Variants in GRM8 observed in about 807,000 individuals in gnomAD.
The protein encoded by GRM8 is metabotropic glutamate receptor 8.
A neutral mutation model predicts 87.2 loss-of-function variants in GRM8; 47 were observed. The observed-to-expected ratio is 0.54, with a 90% CI of 0.43 to 0.69. GRM8 has a LOEUF of 0.69. Among genes scored for constraint, GRM8 ranks in the 30% least tolerant of loss-of-function variants. The probability of loss-of-function intolerance (pLI) is 0.00; values close to 1 mark genes in which losing one functional copy is unlikely to be tolerated. For synonymous variants in GRM8, 396 were observed against 404.5 expected, an observed-to-expected ratio of 0.98 and a Z score of 0.25; for missense variants, 1,019 against 1,139.2, an observed-to-expected ratio of 0.89 and a Z score of 1.52.
At chr7:126,673,221 T>C (rs1158175289) in intron 7 of GRM8, among the ~76,000 whole-genome samples, 1 of 152,082 alleles carries the variant, frequency 6.6e-6, no homozygotes, top group Non-Finnish European at 1.5e-5. Flanking sequence ...TTCTTCCTTT[T>C]CCCCCAACAA....
chr7:126,528,614 T>TG (rs1814289111), intron 9 of GRM8, among the ~76,000 whole-genome samples: 4 of 149,092 alleles, frequency 2.7e-5, no homozygotes, highest in African/African-American at 9.9e-5. Flanking sequence ...ACAAAAGAAG[T>TG]TGTGTGTGTG....
At chr7:126,745,481 T>C (rs1226261892) in intron 7 of GRM8, among the ~76,000 whole-genome samples, 1 of 150,812 alleles carries the variant, frequency 6.6e-6, no homozygotes, top group Non-Finnish European at 1.5e-5. Flanking sequence ...TCCAACTGCT[T>C]CCTAAATATC....
Position 127,032,320 on chromosome 7 carries a change from A to T in GRM8, c.727+74176T>A, listed in dbSNP as rs17867095. ...GCGTTTCCTGTAACTGTGCATTGCT[A>T]TTTCCCTCAGGACTCCTGCTCCAGG... On this transcript the variant is annotated intron_variant, in intron 3 of 10. Transcript: ENST00000339582. Among the ~76,000 whole-genome samples, 2 of 152,034 alleles carry T rather than the reference A, an allele frequency of 1.3e-5. 1 individual carries two copies. The highest frequency in any genetic ancestry group is 4.8e-5 in the African/African-American group (2 of 41,420).
At chr7:127,235,353 G>A (rs1587348973) in intron 2 of GRM8, among the ~76,000 whole-genome samples, 1 of 152,172 alleles carries the variant, frequency 6.6e-6, no homozygotes, top group African/African-American at 2.4e-5. Context: ...CTAAGTTATT[G>A]CATGTTTCGA....
chr7:127,052,119 G>A (rs1317043033), intron 3 of GRM8, among the ~76,000 whole-genome samples: 4 of 152,130 alleles, frequency 2.6e-5, no homozygotes, highest in Non-Finnish European at 5.9e-5. Flanking sequence ...AAAATCAGTT[G>A]GAGTCTGCTA....
chr7:126,669,098 A>G (rs1806107311), intron 7 of GRM8, among the ~76,000 whole-genome samples: 2 of 152,316 alleles, frequency 1.3e-5, no homozygotes, highest in South Asian at 4.1e-4. Flanking sequence ...GTTCTCACTC[A>G]TAAGTGGGAG....
chr7:126,725,081 A>G (rs540088764), intron 7 of GRM8, among the ~76,000 whole-genome samples: 2 of 152,342 alleles, frequency 1.3e-5, no homozygotes, highest in South Asian at 4.1e-4. Context: ...GAAAGCATCA[A>G]AGTGTACAGT....
chr7:126,639,525 T>C (rs1215084985), intron 7 of GRM8, among the ~76,000 whole-genome samples: 2 of 152,024 alleles, frequency 1.3e-5, no homozygotes, highest in South Asian at 2.1e-4. Flanking sequence ...ATTACATTAG[T>C]AGGGGTCATA....
At chr7:126,710,424 C>T (rs535654333) in intron 7 of GRM8, among the ~76,000 whole-genome samples, 2 of 152,220 alleles carry the variant, frequency 1.3e-5, no homozygotes, top group Non-Finnish European at 2.9e-5. Context: ...AGCCCTGCTG[C>T]TGCCTTATTA....
intron 3 of GRM8, among the ~76,000 whole-genome samples, chr7:126,985,664 C>T (rs1175897586): frequency 1.3e-5 from 2 of 152,158 alleles, no homozygotes; most frequent in Admixed American, 6.5e-5. Context: ...CAGTGCAGGG[C>T]AGGGCATCAC....
chr7:126,722,479 C>T (rs565223515), intron 7 of GRM8, among the ~76,000 whole-genome samples: 6 of 152,216 alleles, frequency 3.9e-5, no homozygotes, highest in African/African-American at 1.4e-4. Context: ...TCATCTCTCT[C>T]CAATCAGCCC....
In GRM8 at chr7:126,987,752, G is replaced by A. The variant is rs371338150; in HGVS notation, c.728-83069C>T. ...TGCTGGGATTACAGGCGTGAGCCAC[G>A]GCGCCCGGCCTTCTTGTTTACAGTT... On this transcript the variant is annotated intron_variant, in intron 3 of 10. Transcript: ENST00000339582. 3.4e-4 allele frequency among the ~76,000 whole-genome samples: 51 copies of A among 152,110 alleles called. 1 individual carries two copies. The East Asian group carries it at 4.3e-3, about 13-fold the overall frequency.
chr7:127,170,070 G>C (rs1056932426), intron 2 of GRM8, among the ~76,000 whole-genome samples: 27 of 152,048 alleles, frequency 1.8e-4, no homozygotes, highest in Non-Finnish European at 2.9e-4. Context: ...ATTTTGTAAG[G>C]CTATACCTAC....
intron 3 of GRM8, among the ~76,000 whole-genome samples, chr7:126,960,802 C>T (rs924374306): frequency 3.9e-5 from 6 of 152,204 alleles, no homozygotes; most frequent in Non-Finnish European, 7.4e-5. Flanking sequence ...GTTTTGAAAG[C>T]AGTGCCATTT....
chr7:126,527,330 C>A (rs1814013622), intron 9 of GRM8, among the ~76,000 whole-genome samples: 1 of 152,060 alleles, frequency 6.6e-6, no homozygotes, highest in African/African-American at 2.4e-5. Flanking sequence ...TGCACTCCAG[C>A]CTGGGCAACA....
intron 8 of GRM8, among the ~76,000 whole-genome samples, chr7:126,547,415 AG>A (rs1817274831): frequency 6.6e-6 from 1 of 152,070 alleles, no homozygotes; most frequent in Non-Finnish European, 1.5e-5. Context: ...TAAAAAATTC[AG>A]AAAGCATAAA....
intron 6 of GRM8, among the ~76,000 whole-genome samples, chr7:126,788,814 GAA>G (rs1024884785): frequency 7.7e-4 from 106 of 137,168 alleles, no homozygotes; most frequent in African/African-American, 2.8e-3. Context: ...CTCAGAGACA[GAA>G]AAAAAAAAAG....
intron 6 of GRM8, among the ~76,000 whole-genome samples, chr7:126,889,419 G>C (rs1800789061): frequency 6.6e-6 from 1 of 151,988 alleles, no homozygotes; most frequent in Non-Finnish European, 1.5e-5. Context: ...CCAGCACTTT[G>C]AACAGATTTT....
In GRM8 at chr7:126,595,475, C is replaced by T. The variant is rs956158283; in HGVS notation, c.1494+13887G>A. ...AGAGATGGGGTTTTGTCATGTTGCC[C>T]GGGCTGGTCTCAAACTCCCGGACTC... On this transcript the variant is annotated intron_variant, in intron 8 of 10. Transcript: ENST00000339582. 4.0e-5 allele frequency among the ~76,000 whole-genome samples: 6 copies of T among 149,106 alleles called. No individual in the cohort carries two copies. In the East Asian group the frequency reaches 1.2e-3, roughly 29 times the overall value.
Sources: allele counts gnomAD v4.1 joint callset (sites outside exome capture counted in the v4.1 genomes callset), GRCh38; gene constraint gnomAD v4.1.1; transcripts MANE v1.5; gene names NCBI Gene and HGNC (gene_info 2026-07-23, HGNC 2026-07-21).